Variants in UGGT1 observed in about 807,000 individuals in gnomAD.
UGGT1 encodes UDP-glucose:glycoprotein glucosyltransferase 1.
In UGGT1, 107 loss-of-function variants were observed where a neutral mutation model predicts 203.9. That is an observed-to-expected ratio of 0.52 (90% confidence interval 0.45 to 0.62). The LOEUF is 0.62. Ranked by LOEUF, UGGT1 falls within the 20% of genes least tolerant of loss-of-function variation. The pLI is 0.00. For missense variants in UGGT1, 1,673 were observed against 1,867.2 expected (o/e 0.90, Z 1.92); for synonymous variants, 628 against 653.5 (o/e 0.96, Z 0.59).
intron 15 of UGGT1, among the ~76,000 whole-genome samples, chr2:128,137,659 C>G (rs946419537): frequency 3.3e-5 from 5 of 152,182 alleles, no homozygotes; most frequent in African/African-American, 1.2e-4. Context: ...CTGCTATCGT[C>G]TGGGAATTTT....
chr2:128,115,304 T>C (rs1010726589), intron 7 of UGGT1, 84 bp downstream of exon 7: 16 of 1,248,322 alleles, frequency 1.3e-5, no homozygotes, highest in Non-Finnish European at 1.7e-5. Flanking sequence ...AATAATAGAT[T>C]TAGGTGTATG....
rs1690421521 is a variant in UGGT1, at chr2:128,159,554, C to T, written c.2396C>T (p.Pro799Leu). The change falls in exon 23 of 41, where the codon CCT (proline) becomes CTT (leucine). Residue 799 changes from proline to leucine, a missense_variant. By Grantham distance (98) the Pro-to-Leu change is moderately conservative (BLOSUM62 -3). This residue lies in a region of UGGT1 where 1,073 missense variants were observed against 1,078.7 expected (regional missense o/e 0.99). Transcript: ENST00000259253. ...GTTAGAATAAGCATGATCAATAATC[C>T]TGCCAAAGAGATAAGCTATGAGAAC... is the stretch of plus-strand genomic sequence containing the variant. ...NNVRISMINN[P>L]AKEISYENTQ... 1 of 1,613,988 alleles carries T rather than the reference C, an allele frequency of 6.2e-7. No individual in the cohort carries two copies. Among genetic ancestry groups the T allele is most frequent in the African/African-American group, 1.3e-5 (1 of 74,888 alleles).
At chr2:128,166,418 C>T (rs1690792841) in intron 26 of UGGT1, among the ~76,000 whole-genome samples, 1 of 152,200 alleles carries the variant, frequency 6.6e-6, no homozygotes, top group Admixed American at 6.5e-5. Flanking sequence ...AGGACTTCTC[C>T]GCAGTACTGT....
Position 128,138,782 on chromosome 2 carries a change from C to G in UGGT1, c.1649C>G (p.Ala550Gly). 6.2e-7 allele frequency: 1 copy of G among 1,614,068 alleles called. No homozygotes were observed. Among genetic ancestry groups the G allele is most frequent in the Non-Finnish European group, 8.5e-7 (1 of 1,180,006 alleles). The change falls in exon 16 of 41, where the codon GCT becomes GGT. Residue 550 changes from alanine to glycine, a missense_variant. Physicochemically the swap from Ala to Gly is moderately conservative, Grantham distance 60. Transcript: ENST00000259253. ...DVDGMQDAGV[A>G]VLRAYNYVAQ... ...GATGGGATGCAAGATGCTGGAGTGGCTGTTCTTAGAGCATATAATTATGTT... is the reference window on the plus strand; with the variant it reads ...GATGGGATGCAAGATGCTGGAGTGGGTGTTCTTAGAGCATATAATTATGTT...
intron 35 of UGGT1, 123 bp downstream of exon 35, chr2:128,179,993 G>T: frequency 2.6e-6 from 2 of 764,626 alleles, no homozygotes; most frequent in South Asian, 1.9e-5. Flanking sequence ...ACCCTAATTT[G>T]GTTGCATATT....
intron 1 of UGGT1, among the ~76,000 whole-genome samples, chr2:128,094,132 T>A (rs1686997584): frequency 6.6e-6 from 1 of 152,148 alleles, no homozygotes; most frequent in South Asian, 2.1e-4. Context: ...CACCACTTTC[T>A]GGGGTGTACA....
At chr2:128,138,095 G>GA (rs202129211) in intron 15 of UGGT1, among the ~76,000 whole-genome samples, 22 of 148,028 alleles carry the variant, frequency 1.5e-4, no homozygotes, top group East Asian at 7.9e-4. Flanking sequence ...TTTAAAATCA[G>GA]AAAAAAAAAA....
At position 128,182,225 on chromosome 2, in the gene UGGT1, C is replaced by T. The variant is rs17178720; in HGVS notation, c.4179C>T (p.Asp1393=). ...TPFCDSRREM[D]GYRFWKSGYW... Reference sequence around the variant, plus strand: ...TCTGTGACAGCCGAAGAGAAATGGACGGCTACAGGTTCTGGAAGTCAGGGT... The same window carrying T: ...TCTGTGACAGCCGAAGAGAAATGGATGGCTACAGGTTCTGGAAGTCAGGGT... The change falls in exon 37 of 41, where the codon GAC becomes GAT. Residue 1393 remains aspartate (D), a synonymous_variant. Transcript: ENST00000259253. 281,095 of 1,612,700 alleles carry T rather than the reference C, an allele frequency of 0.17. 27,047 individuals are homozygous for T. The highest frequency in any genetic ancestry group is 0.19 in the Non-Finnish European group (229,131 of 1,178,872).
chr2:128,183,752 T>G lies in UGGT1; in HGVS notation c.4322T>G (p.Leu1441Arg). Residue 1441 changes from leucine (L) to arginine (R), a missense_variant, in exon 38 of 41, where the codon CTG becomes CGG. This residue lies in a region of UGGT1 where 513 missense variants were observed against 684.1 expected (regional missense o/e 0.75). Coordinates refer to ENST00000259253, the MANE Select transcript of UGGT1 (RefSeq NM_020120.4). ...GDRLRGQYQG[L>R]SQDPNSLSNL... ...AGACTCAGGGGACAGTACCAAGGTC[T>G]GAGTCAGGACCCTAACAGCCTTTCA... The G allele has an allele frequency of 6.2e-7, 1 of 1,614,116 alleles. No homozygotes were observed. Among genetic ancestry groups the G allele is most frequent in the Non-Finnish European group, 8.5e-7 (1 of 1,179,958 alleles).
At chr2:128,096,223 C>G (rs1179873809) in intron 1 of UGGT1, among the ~76,000 whole-genome samples, 1 of 152,184 alleles carries the variant, frequency 6.6e-6, no homozygotes, top group Non-Finnish European at 1.5e-5. Flanking sequence ...GTAGATGGGA[C>G]AGTTGGCTTG....
chr2:128,167,444 A>T (rs1690852380), intron 26 of UGGT1, among the ~76,000 whole-genome samples: 1 of 152,162 alleles, frequency 6.6e-6, no homozygotes, highest in South Asian at 2.1e-4. Context: ...TCAGTTATGT[A>T]TATTCTTGCC....
At chr2:128,132,352 A>G (rs1573545634) in intron 13 of UGGT1, among the ~76,000 whole-genome samples, 1 of 152,198 alleles carries the variant, frequency 6.6e-6, no homozygotes, top group East Asian at 1.9e-4. Context: ...GTTCAAGACC[A>G]GCCTGGCCAA....
chr2:128,177,710 G>A (rs1291631411), intron 32 of UGGT1, 122 bp from the exon 33 acceptor site: 2 of 785,524 alleles, frequency 2.5e-6, no homozygotes, highest in East Asian at 2.9e-5. Context: ...GGTTGTGCCT[G>A]TTTGTGAGAG....
At chr2:128,159,852 T>A (rs2104740076) in intron 23 of UGGT1, 132 bp downstream of exon 23, 2 of 923,276 alleles carry the variant, frequency 2.2e-6, no homozygotes, top group Non-Finnish European at 3.2e-6. Context: ...TTTTTTTTTT[T>A]AATTTGGAAG....
chr2:128,146,724 A>G (rs1432947868), intron 18 of UGGT1, among the ~76,000 whole-genome samples: 2 of 152,158 alleles, frequency 1.3e-5, no homozygotes, highest in Non-Finnish European at 2.9e-5. Context: ...CCCCACATCC[A>G]GTAGCAATTA....
Position 128,113,277 on chromosome 2 carries a change from T to A in UGGT1, c.696+19T>A. ...TATATTTGTAAGTATTGACTTATTT[T>A]ACACCTGTTTTGAATGTAATTTGCC... is the stretch of plus-strand genomic sequence containing the variant. On this transcript the variant is annotated intron_variant, in intron 6 of 40. Transcript: ENST00000259253. 1 of 1,555,516 alleles carries A rather than the reference T, an allele frequency of 6.4e-7. No homozygotes were observed. Among genetic ancestry groups the A allele is most frequent in the Non-Finnish European group, 8.7e-7 (1 of 1,143,840 alleles).
intron 10 of UGGT1, among the ~76,000 whole-genome samples, chr2:128,122,605 C>T (rs1278077591): frequency 2.0e-5 from 3 of 151,900 alleles, no homozygotes; most frequent in Non-Finnish European, 4.4e-5. Flanking sequence ...TGCTGCACAT[C>T]TCATAAATGC....
Position 128,142,708 on chromosome 2 carries a change from C to T in UGGT1, c.1720-386C>T, listed in dbSNP as rs147156134. 6.1e-4 allele frequency among the ~76,000 whole-genome samples: 90 copies of T among 146,868 alleles called. 3 individuals are homozygous for T. In the East Asian group the frequency reaches 0.016, roughly 26 times the overall value. On this transcript the variant is annotated intron_variant, in intron 16 of 40. Coordinates refer to ENST00000259253, the MANE Select transcript of UGGT1 (RefSeq NM_020120.4). The stretch of plus-strand genomic sequence containing the variant: ...CTTTCAAGAAAAGTAATTGGCCAGG[C>T]GCAGTGGCTCATGCCTGTAATCCCA...
At chr2:128,115,712 T>A (rs1688070004) in intron 7 of UGGT1, among the ~76,000 whole-genome samples, 1 of 152,178 alleles carries the variant, frequency 6.6e-6, no homozygotes, top group Admixed American at 6.5e-5. Flanking sequence ...GTGGATACTT[T>A]CTGTTGTAAT....
Sources: gnomAD v4.1 joint callset for allele counts (sites outside exome capture counted in the v4.1 genomes callset) on GRCh38, gnomAD v4.1.1 for gene constraint, gnomAD v4.1.1 regional missense constraint, MANE v1.5 for transcripts, NCBI Gene and HGNC (gene_info 2026-07-23, HGNC 2026-07-21) for gene names.